Variants in PREX1 observed in about 807,000 individuals in gnomAD.
PREX1 encodes the protein phosphatidylinositol-3,4,5-trisphosphate dependent Rac exchange factor 1, also known as phosphatidylinositol 3,4,5-trisphosphate-dependent Rac exchanger 1 protein.
PREX1 carries 41 observed loss-of-function variants against 198.3 expected under a neutral mutation model. The ratio of observed to expected loss-of-function variants is 0.21; its 90% CI spans 0.16 to 0.27. PREX1 has a LOEUF of 0.27. Among genes scored for constraint, PREX1 ranks in the 10% least tolerant of loss-of-function variants. The pLI is 1.00. For missense variants in PREX1, 1,620 were observed against 2,200.7 expected (o/e 0.74, Z 5.28); for synonymous variants, 843 against 887.2 (o/e 0.95, Z 0.89).
chr20:48,710,051 GA>G (rs1489868874), intron 5 of PREX1, among the ~76,000 whole-genome samples: 3 of 152,232 alleles, frequency 2.0e-5, no homozygotes, highest in Non-Finnish European at 4.4e-5. Flanking sequence ...AAAGAAGGGA[GA>G]TGGAGCCCTG....
intron 1 of PREX1, among the ~76,000 whole-genome samples, chr20:48,799,547 AGTATTTC>A (rs1048185192): frequency 1.1e-4 from 16 of 152,316 alleles, no homozygotes; most frequent in African/African-American, 3.9e-4. Flanking sequence ...TTCAAACTTA[AGTATTTC>A]AAAAGCCACC....
chr20:48,669,237 C>G (rs1451085915), intron 14 of PREX1, among the ~76,000 whole-genome samples: 2 of 152,100 alleles, frequency 1.3e-5, no homozygotes, highest in African/African-American at 2.4e-5. Flanking sequence ...ATGCCCTGCC[C>G]CGGCTTTGCA....
intron 15 of PREX1, among the ~76,000 whole-genome samples, chr20:48,663,967 C>A (rs2089615854): frequency 2.0e-5 from 3 of 152,232 alleles, no homozygotes; most frequent in Admixed American, 1.3e-4. Flanking sequence ...ACTCTGCTCC[C>A]AGAACCTGGC....
intron 2 of PREX1, among the ~76,000 whole-genome samples, chr20:48,746,097 T>C (rs1037743506): frequency 2.6e-5 from 4 of 152,202 alleles, no homozygotes; most frequent in African/African-American, 9.6e-5. Flanking sequence ...CTTGGCTCAG[T>C]GCAACCTCCG....
chr20:48,694,661 C>T (rs1304466370), intron 7 of PREX1, among the ~76,000 whole-genome samples: 1 of 152,182 alleles, frequency 6.6e-6, no homozygotes, highest in African/African-American at 2.4e-5. Context: ...GTTCCCACGC[C>T]GACTTGGCTG....
chr20:48,730,083 C>T (rs568200017), intron 4 of PREX1, among the ~76,000 whole-genome samples: 136 of 152,214 alleles, frequency 8.9e-4, no homozygotes, highest in Non-Finnish European at 1.7e-3. Flanking sequence ...CAGGAGGGAG[C>T]ACCCACCGAC....
intron 10 of PREX1, 105 bp from the exon 11 acceptor site, chr20:48,681,440 AGAACTTCCCACAGGGAAGCC>A: frequency 9.2e-7 from 1 of 1,088,216 alleles, no homozygotes; most frequent in South Asian, 1.2e-5. Context: ...AATGACAGCT[AGAACTTCCCACAGGGAAGCC>A]GAGTGTAGTA....
chr20:48,626,008 A>G (rs1601021976), intron 39 of PREX1, 81 bp from the exon 40 acceptor site: 1 of 1,374,514 alleles, frequency 7.3e-7, no homozygotes, highest in Non-Finnish European at 9.7e-7. Flanking sequence ...TTACCTGAAC[A>G]TGTAATTCAT....
At chr20:48,668,409 A>C (rs2089653756) in intron 14 of PREX1, among the ~76,000 whole-genome samples, 1 of 152,228 alleles carries the variant, frequency 6.6e-6, no homozygotes, top group South Asian at 2.1e-4. Flanking sequence ...TGATTTAATA[A>C]AGGAGTGGTC....
intron 1 of PREX1, among the ~76,000 whole-genome samples, chr20:48,789,264 T>C (rs2090326688): frequency 6.6e-6 from 1 of 152,204 alleles, no homozygotes; most frequent in South Asian, 2.1e-4. Context: ...CGATCTACCA[T>C]CTGCTTCCTC....
intron 1 of PREX1, among the ~76,000 whole-genome samples, chr20:48,767,514 C>T (rs2090214264): frequency 6.6e-6 from 1 of 150,882 alleles, no homozygotes; most frequent in African/African-American, 2.4e-5. Context: ...CCTCAGTTTC[C>T]ACCTAACTCA....
rs540680224 is a variant in PREX1 at position 48,777,219 on chromosome 20, G to A, written c.220-29339C>T. ...GATGCCAAAACCCGCCACACCACAC[G>A]AGGCACAAACACCAGACCAGGTCTG... On this transcript the variant is annotated intron_variant, in intron 1 of 39. Transcript: ENST00000371941. 1.4e-3 allele frequency among the ~76,000 whole-genome samples: 208 copies of A among 152,166 alleles called. 6 individuals are homozygous for A. The highest frequency in any genetic ancestry group is 0.011 in the Admixed American group (175 of 15,272).
At chr20:48,801,163 G>A (rs1001979364) in intron 1 of PREX1, among the ~76,000 whole-genome samples, 4 of 152,316 alleles carry the variant, frequency 2.6e-5, no homozygotes, top group Admixed American at 6.5e-5. Context: ...TGAAGAACCA[G>A]CTACTAGTAG....
the PREX1 span, among the ~76,000 whole-genome samples, chr20:48,875,905 G>A: frequency 6.6e-6 from 1 of 152,210 alleles, no homozygotes. Flanking sequence ...GACTGGGAAG[G>A]ATTCAAGCTC....
intron 14 of PREX1, among the ~76,000 whole-genome samples, chr20:48,667,981 C>T (rs555676414): frequency 2.0e-5 from 3 of 152,214 alleles, no homozygotes; most frequent in South Asian, 2.1e-4. Context: ...CAGCATTTCC[C>T]GGTGCCAGTT....
At chr20:48,831,552 G>A (rs966844564), upstream of PREX1, among the ~76,000 whole-genome samples, 3 of 152,226 alleles carry the variant, frequency 2.0e-5, no homozygotes, top group African/African-American at 7.2e-5. Flanking sequence ...ATGAAGACAA[G>A]TTCCTCCTCT....
intron 5 of PREX1, among the ~76,000 whole-genome samples, chr20:48,725,253 C>G (rs368499676): frequency 6.6e-6 from 1 of 152,240 alleles, no homozygotes; most frequent in Non-Finnish European, 1.5e-5. Flanking sequence ...TTAATCCCCC[C>G]ACAGGGAACC....
At chr20:48,873,950 C>T in the PREX1 span, among the ~76,000 whole-genome samples, 6 of 152,038 alleles carry the variant, frequency 3.9e-5, no homozygotes, top group African/African-American at 7.2e-5. Context: ...GTGGGGCAAT[C>T]GCAGCCCACT....
intron 15 of PREX1, among the ~76,000 whole-genome samples, chr20:48,665,856 G>A (rs952943601): frequency 2.6e-5 from 4 of 152,120 alleles, no homozygotes; most frequent in Admixed American, 2.0e-4. Context: ...GAGGAGGCCG[G>A]GGAAAGAGGC....
Sources: allele counts gnomAD v4.1 joint callset (sites outside exome capture counted in the v4.1 genomes callset), GRCh38; gene constraint gnomAD v4.1.1; transcripts MANE v1.5; gene names NCBI Gene and HGNC (gene_info 2026-07-23, HGNC 2026-07-21).